Variants in VCAM1 observed in about 807,000 individuals in gnomAD.
The protein encoded by VCAM1 is vascular cell adhesion molecule 1, also known as vascular cell adhesion protein 1.
In VCAM1, 41 loss-of-function variants were observed where a neutral mutation model predicts 63.8. The observed-to-expected ratio is 0.64, with a 90% CI of 0.50 to 0.83. The LOEUF is 0.83. Among genes scored for constraint, VCAM1 ranks in the 40% least tolerant of loss-of-function variants. VCAM1 has a pLI of 0.00. For synonymous variants in VCAM1, 338 were observed against 320.7 expected (o/e 1.05, Z -0.58); for missense variants, 798 against 875.5 (o/e 0.91, Z 1.12).
chr1:100,736,977 T>G (rs1335392422), intron 8 of VCAM1: 2 of 152,206 alleles, frequency 1.3e-5, no homozygotes, highest in African/African-American at 4.8e-5. Flanking sequence ...CATGATGCTG[T>G]GCAAAGTATA....
intron 5 of VCAM1, 69 bp downstream of exon 5, chr1:100,729,451 C>A: frequency 6.8e-7 from 1 of 1,474,190 alleles, no homozygotes. Flanking sequence ...GAATGCAAGT[C>A]TGTGAAGTGC....
intron 2 of VCAM1, 77 bp downstream of exon 2, chr1:100,720,828 A>T (rs762829808): frequency 2.9e-4 from 424 of 1,477,022 alleles, no homozygotes; most frequent in Non-Finnish European, 3.6e-4. Flanking sequence ...ATTTTAAAAA[A>T]AGTTTTAAAA....
At chr1:100,723,918 T>C (rs1660062171) in intron 3 of VCAM1, among the ~76,000 whole-genome samples, 1 of 152,008 alleles carries the variant, frequency 6.6e-6, no homozygotes, top group South Asian at 2.1e-4. Flanking sequence ...CACTGTGCTC[T>C]GTTCTGGACT....
intron 4 of VCAM1, 147 bp from the exon 5 acceptor site, chr1:100,728,960 G>A (rs1571457957): frequency 1.1e-6 from 1 of 886,674 alleles, no homozygotes; most frequent in African/African-American, 1.7e-5. Context: ...CATTTCTGAT[G>A]GTCCCAAGGT....
chr1:100,735,920 A>G (rs1660632177), intron 8 of VCAM1: 1 of 152,212 alleles, frequency 6.6e-6, no homozygotes, highest in South Asian at 2.1e-4. Flanking sequence ...ATTCAGGGGT[A>G]TATGTAATCA....
Position 100,738,273 on chromosome 1 carries a change from CA to C in VCAM1, c.2214del (p.Val739CysfsTer3). The part of the protein sequence containing the change: ...GSYSLVEAQK[S>X]KV ...TATAGTCTTGTAGAAGCACAGAAGT[CA>C]AAAGTGTAGCTAATGCTTGATATGT... On this transcript the variant is annotated frameshift_variant, in exon 9 of 9. Transcript: ENST00000294728. LOFTEE classifies it high-confidence loss of function. The C allele has an allele frequency of 6.2e-7, 1 of 1,612,824 alleles. No individual in the cohort carries two copies. Among genetic ancestry groups the C allele is most frequent in the South Asian group, 1.1e-5 (1 of 90,816 alleles).
chr1:100,734,486 T>G lies in VCAM1; in HGVS notation c.1793-16T>G, dbSNP rs747910908. 6.3e-7 allele frequency: 1 copy of G among 1,599,514 alleles called. No individual in the cohort carries two copies. Among genetic ancestry groups the G allele is most frequent in the South Asian group, 1.1e-5 (1 of 88,238 alleles). ...ATTTCACTCAATCAGGGATGTCTTTTAAATTCTCTTTACAGTTACTCCAAA... is the reference window on the plus strand; with the variant it reads ...ATTTCACTCAATCAGGGATGTCTTTGAAATTCTCTTTACAGTTACTCCAAA... On this transcript the variant is annotated splice_polypyrimidine_tract_variant and intron_variant, in intron 7 of 8. Coordinates refer to ENST00000294728, the MANE Select transcript of VCAM1 (RefSeq NM_001078.4).
rs35811606 is a variant in VCAM1 at position 100,728,715 on chromosome 1, A to AATATAT, written c.929-374_929-369dup. Among the ~76,000 whole-genome samples the AATATAT allele has an allele frequency of 4.7e-3, 675 of 145,020 alleles. 2 individuals carry two copies. Among genetic ancestry groups the AATATAT allele is most frequent in the African/African-American group, 9.8e-3 (384 of 39,022 alleles). ...AAAATTGTTGTGAGGATTAAATGAG[A>AATATAT]ATATATATATATATATATATATAGT... On this transcript the variant is annotated intron_variant, in intron 4 of 8. Coordinates refer to ENST00000294728, the MANE Select transcript of VCAM1 (RefSeq NM_001078.4).
Position 100,719,927 on chromosome 1 carries a change from A to G in VCAM1, c.64+3A>G. The G allele has an allele frequency of 6.2e-7, 1 of 1,608,746 alleles. No homozygotes were observed. Among genetic ancestry groups the G allele is most frequent in the Middle Eastern group, 1.7e-4 (1 of 6,018 alleles). ...ACTTTGGATAATGTTTGCAGCTTGT[A>G]AGTTATTTCCCTTCATCTGTTTCAA... On this transcript the variant is annotated splice_donor_region_variant and intron_variant, in intron 1 of 8. Coordinates refer to ENST00000294728, the MANE Select transcript of VCAM1 (RefSeq NM_001078.4).
At position 100,732,400 on chromosome 1, in the gene VCAM1, G is replaced by C. The variant is rs777198820; in HGVS notation, c.1526-18G>C. On this transcript the variant is annotated intron_variant, in intron 6 of 8. Coordinates refer to ENST00000294728, the MANE Select transcript of VCAM1 (RefSeq NM_001078.4). ...AGGGCATAATAGGTCAAGCTAACAA[G>C]CGTCTCTGCCTTTTCAGTTGCCCCC... The C allele has an allele frequency of 6.5e-7, 1 of 1,526,774 alleles. No individual in the cohort carries two copies. Among genetic ancestry groups the C allele is most frequent in the Admixed American group, 2.3e-5 (1 of 43,662 alleles). 94.6% of individuals were successfully genotyped at this position (1,526,774 alleles called of 1,614,324 possible). A position where few individuals can be genotyped will look rare whatever the true frequency, so the allele number is the denominator to read the frequency against.
rs1160355782 is a variant in VCAM1, at chr1:100,738,510, C to T, written c.*227C>T. On this transcript the variant is annotated 3_prime_UTR_variant, in exon 9 of 9. Transcript: ENST00000294728. The stretch of plus-strand genomic sequence containing the variant: ...TCAAGATGAGAGAACTGGAGGAGTT[C>T]CTTGATCTGTATATACAATAACATA... The T allele has an allele frequency of 1.4e-5, 6 of 415,602 alleles. No individual in the cohort carries two copies. Among genetic ancestry groups the T allele is most frequent in the East Asian group, 3.9e-5 (1 of 25,426 alleles). The allele number at this position is 415,602 out of a possible 1,614,324, so 25.7% of individuals were successfully genotyped here.
At chr1:100,732,234 T>C (rs957101400) in intron 6 of VCAM1, among the ~76,000 whole-genome samples, 184 bp from the exon 7 acceptor site, 1 of 152,186 alleles carries the variant, frequency 6.6e-6, no homozygotes, top group African/African-American at 2.4e-5. Context: ...GACGTGTCCA[T>C]GTTCTACTCT....
chr1:100,723,648 G>A (rs1391860131), intron 3 of VCAM1, among the ~76,000 whole-genome samples: 1 of 151,974 alleles, frequency 6.6e-6, no homozygotes, highest in Non-Finnish European at 1.5e-5. Context: ...TGGGAAATAG[G>A]CTCAAATGAT....
chr1:100,738,470 G>T lies in VCAM1; in HGVS notation c.*187G>T, dbSNP rs1435942287. The T allele has an allele frequency of 3.9e-6, 2 of 518,410 alleles. No homozygotes were observed. The highest frequency in any genetic ancestry group is 6.6e-6 in the Non-Finnish European group (2 of 304,854). 32.1% of individuals were successfully genotyped at this position (518,410 alleles called of 1,614,324 possible). A position where few individuals can be genotyped will look rare whatever the true frequency, so the allele number is the denominator to read the frequency against. Reference sequence around the variant, plus strand: ...GTCAAAGTAAAACTTGCTGCCTGAAGAACAGTAACTGCCATCAAGATGAGA... The same window carrying T: ...GTCAAAGTAAAACTTGCTGCCTGAATAACAGTAACTGCCATCAAGATGAGA... On this transcript the variant is annotated 3_prime_UTR_variant, in exon 9 of 9. Transcript: ENST00000294728.
chr1:100,737,445 T>C (rs1187143858), intron 8 of VCAM1: 2 of 152,036 alleles, frequency 1.3e-5, no homozygotes, highest in African/African-American at 2.4e-5. Context: ...ATGAGGGAGA[T>C]ATAGATTAGA....
chr1:100,729,258 G>C lies in VCAM1; in HGVS notation c.1080G>C (p.Arg360Ser). The C allele has an allele frequency of 6.2e-7, 1 of 1,613,578 alleles. No homozygotes were observed. Among genetic ancestry groups the C allele is most frequent in the Non-Finnish European group, 8.5e-7 (1 of 1,179,716 alleles). ...QIDSPLSGKV[R>S]SEGTNSTLTL... Reference sequence around the variant, plus strand: ...ACAGCCCTCTGAGCGGGAAGGTGAGGAGTGAGGGGACCAATTCCACGCTGA... The same window carrying C: ...ACAGCCCTCTGAGCGGGAAGGTGAGCAGTGAGGGGACCAATTCCACGCTGA... The change falls in exon 5 of 9, where the codon AGG (arginine) becomes AGC (serine). Residue 360 changes from arginine to serine, a missense_variant. Arg to Ser is a moderately radical substitution (Grantham distance 110). Coordinates refer to ENST00000294728, the MANE Select transcript of VCAM1 (RefSeq NM_001078.4).
rs922943654 is a variant in VCAM1, at chr1:100,719,788, C to T, written c.-73C>T. On this transcript the variant is annotated 5_prime_UTR_variant, in exon 1 of 9. Coordinates refer to ENST00000294728, the MANE Select transcript of VCAM1 (RefSeq NM_001078.4). ...ACTGGCTTCAGGAGCTGAATACCCTCCCAGGCACACACAGGTGGGACACAA... is the reference window on the plus strand; with the variant it reads ...ACTGGCTTCAGGAGCTGAATACCCTTCCAGGCACACACAGGTGGGACACAA... 2 of 1,526,032 alleles carry T rather than the reference C, an allele frequency of 1.3e-6. No homozygotes were observed. Among genetic ancestry groups the T allele is most frequent in the African/African-American group, 1.4e-5 (1 of 72,818 alleles). The allele number at this position is 1,526,032 out of a possible 1,614,324, so 94.5% of individuals were successfully genotyped here.
chr1:100,725,306 C>G (rs2100826114), intron 4 of VCAM1, among the ~76,000 whole-genome samples: 1 of 152,048 alleles, frequency 6.6e-6, no homozygotes, highest in South Asian at 2.1e-4. Flanking sequence ...AGTTCTACCT[C>G]AAAATGCTCC....
chr1:100,724,516 T>TA (rs1479461471), intron 3 of VCAM1, 108 bp from the exon 4 acceptor site: 2 of 1,317,538 alleles, frequency 1.5e-6, no homozygotes, highest in Non-Finnish European at 2.1e-6. Flanking sequence ...TTTGGCAGAG[T>TA]AATTTCATCA....
Sources: gnomAD v4.1 joint callset for allele counts (sites outside exome capture counted in the v4.1 genomes callset) on GRCh38, gnomAD v4.1.1 for gene constraint, MANE v1.5 for transcripts, NCBI Gene and HGNC (gene_info 2026-07-23, HGNC 2026-07-21) for gene names.